DST: variants seen among roughly 807,000 people sequenced by gnomAD.
DST encodes the protein dystonin.
A neutral mutation model predicts 875.2 loss-of-function variants in DST; 253 were observed. That is an observed-to-expected ratio of 0.29 (90% CI 0.26 to 0.32). The LOEUF (loss-of-function observed/expected upper bound fraction) is 0.32. DST is among the 10% of genes least tolerant of loss of function. The pLI is 1.00. For missense variants in DST, 8,287 were observed against 9,111.6 expected (o/e 0.91, Z 3.68); for synonymous variants, 3,124 against 3,197.1 (o/e 0.98, Z 0.77).
At chr6:56,787,112 T>C (rs772856030) in intron 4 of DST, among the ~76,000 whole-genome samples, 1 of 152,144 alleles carries the variant, frequency 6.6e-6, no homozygotes, top group Non-Finnish European at 1.5e-5. Flanking sequence ...ATTTTATACA[T>C]GAGGAACTGG....
intron 5 of DST, among the ~76,000 whole-genome samples, chr6:56,729,586 G>A (rs950268593): frequency 7.2e-5 from 10 of 138,610 alleles, no homozygotes; most frequent in Non-Finnish European, 1.2e-4. Flanking sequence ...CAGCCTGGGC[G>A]ACAAGAGCAA....
chr6:56,520,028 C>A lies in DST; in HGVS notation c.18130-2408G>T, dbSNP rs2096665976. Among the ~76,000 whole-genome samples, 2 of 152,156 alleles carry A rather than the reference C, an allele frequency of 1.3e-5. 1 individual carries two copies. Among genetic ancestry groups the A allele is most frequent in the South Asian group, 4.2e-4 (2 of 4,806 alleles). On this transcript the variant is annotated intron_variant, in intron 69 of 103. Transcript: ENST00000680361. ...AGAAGGCTTCATCAACAACACAGAA[C>A]ATCTCAGCAAAGAAAAAGAATATAC...
intron 4 of DST, among the ~76,000 whole-genome samples, chr6:56,736,444 C>T (rs1192975195): frequency 6.6e-6 from 1 of 152,192 alleles, no homozygotes; most frequent in African/African-American, 2.4e-5. Flanking sequence ...TATCTTCTTC[C>T]TCCCTACTTC....
intron 93 of DST, 125 bp from the exon 94 acceptor site, chr6:56,472,347 A>G: frequency 1.2e-6 from 1 of 817,658 alleles, no homozygotes; most frequent in South Asian, 1.9e-5. Context: ...AAGTAAAAGT[A>G]TCCTAATTTA....
intron 4 of DST, among the ~76,000 whole-genome samples, chr6:56,812,250 T>C (rs985806919): frequency 2.0e-5 from 3 of 152,174 alleles, no homozygotes; most frequent in Admixed American, 6.5e-5. Context: ...TACTTAATTT[T>C]ATATCAGGCT....
Position 56,635,048 on chromosome 6 carries a change from TTCTC to T in DST, c.3187-99_3187-96del, listed in dbSNP as rs201012399. On this transcript the variant is annotated intron_variant, in intron 24 of 103. Coordinates refer to ENST00000680361, the MANE Select transcript of DST (RefSeq NM_001374736.1). ...CAAATTAAACTTCATCAGAAAAGTC[TTCTC>T]TCTGACTACCTAGTCTAAATTTTCA... 1.4e-3 allele frequency: 1,379 copies of T among 1,003,306 alleles called. 13 individuals are homozygous for T. In the African/African-American group the frequency reaches 0.019, roughly 14 times the overall value. 62.2% of individuals were successfully genotyped at this position (1,003,306 alleles called of 1,614,324 possible).
At chr6:56,537,351 G>A (rs764022944) in intron 61 of DST, among the ~76,000 whole-genome samples, 2 of 152,182 alleles carry the variant, frequency 1.3e-5, no homozygotes, top group Non-Finnish European at 2.9e-5. Flanking sequence ...CATGGGCAAG[G>A]CAATCCTAAT....
At chr6:56,756,781 G>A (rs1193058651) in intron 4 of DST, among the ~76,000 whole-genome samples, 1 of 152,142 alleles carries the variant, frequency 6.6e-6, no homozygotes, top group East Asian at 1.9e-4. Context: ...TAATCAGAAG[G>A]TGAAACTCAT....
intron 2 of DST, among the ~76,000 whole-genome samples, chr6:56,947,853 G>A (rs1174155007): frequency 1.3e-5 from 2 of 151,270 alleles, no homozygotes; most frequent in African/African-American, 4.9e-5. Flanking sequence ...AGGTACAGTG[G>A]ACCCCACTTA....
At chr6:56,635,555 AT>A in intron 24 of DST, 33 bp downstream of exon 24, 1 of 1,610,140 alleles carries the variant, frequency 6.2e-7, no homozygotes, top group African/African-American at 1.3e-5. Context: ...TCACTTATGC[AT>A]ACTTATAAAA....
chr6:56,538,846 C>T (rs1406612925), intron 61 of DST, among the ~76,000 whole-genome samples: 3 of 151,992 alleles, frequency 2.0e-5, no homozygotes, highest in East Asian at 1.9e-4. Context: ...AGGAAGTCTC[C>T]GTAATTTTGC....
intron 50 of DST, among the ~76,000 whole-genome samples, chr6:56,574,324 C>T (rs554328589): frequency 1.3e-5 from 2 of 152,226 alleles, no homozygotes; most frequent in African/African-American, 4.8e-5. Flanking sequence ...AGACAATACA[C>T]AGTTACAAAG....
At chr6:56,851,946 A>C (rs1430731488) in intron 3 of DST, 3 of 1,510,854 alleles carry the variant, frequency 2.0e-6, no homozygotes, top group Non-Finnish European at 2.7e-6. Context: ...TTCCTGTTAC[A>C]AACCTATAGT....
intron 87 of DST, 74 bp from the exon 88 acceptor site, chr6:56,485,545 T>A (rs1195684459): frequency 1.4e-6 from 2 of 1,405,144 alleles, no homozygotes; most frequent in Non-Finnish European, 2.0e-6. Flanking sequence ...CTAAAATTAA[T>A]TGATGAAGGT....
chr6:56,506,167 T>TA (rs972443315), intron 77 of DST, among the ~76,000 whole-genome samples: 5 of 152,088 alleles, frequency 3.3e-5, no homozygotes, highest in Admixed American at 3.3e-4. Flanking sequence ...TACTTTCACT[T>TA]AAAAAAAATC....
At chr6:56,529,950 G>A (rs374908496) in intron 65 of DST, 24 bp downstream of exon 65, 7 of 1,610,230 alleles carry the variant, frequency 4.3e-6, no homozygotes, top group African/African-American at 1.3e-5. Flanking sequence ...ACTGAACCTC[G>A]CTAATGTGTG....
At chr6:56,658,993 A>G (rs189591101) in intron 10 of DST, among the ~76,000 whole-genome samples, 1 of 152,310 alleles carries the variant, frequency 6.6e-6, no homozygotes, top group East Asian at 1.9e-4. Flanking sequence ...GACAATGCAG[A>G]CTCTCATGAA....
At chr6:56,491,184 G>A (rs1281315933) in intron 85 of DST, among the ~76,000 whole-genome samples, 1 of 152,192 alleles carries the variant, frequency 6.6e-6, no homozygotes, top group African/African-American at 2.4e-5. Context: ...GGTCTATGGT[G>A]TGTAATGCTA....
intron 15 of DST, 41 bp downstream of exon 15, chr6:56,645,825 T>A (rs1404869646): frequency 1.2e-6 from 2 of 1,603,986 alleles, no homozygotes; most frequent in Non-Finnish European, 1.7e-6. Flanking sequence ...AAAGGCCCCC[T>A]CCCCACTTGA....
Sources: gnomAD v4.1 joint callset for allele counts (sites outside exome capture counted in the v4.1 genomes callset) on GRCh38, gnomAD v4.1.1 for gene constraint, MANE v1.5 for transcripts, NCBI Gene and HGNC (gene_info 2026-07-23, HGNC 2026-07-21) for gene names.